GRM7: variants seen among roughly 807,000 people sequenced by gnomAD.
GRM7 encodes the protein metabotropic glutamate receptor 7.
Under a neutral mutation model 84.5 loss-of-function variants are expected in GRM7, and 35 were observed. The ratio of observed to expected loss-of-function variants is 0.41; its 90% CI spans 0.32 to 0.55. GRM7 has a LOEUF of 0.55. Among genes scored for constraint, GRM7 ranks in the 20% least tolerant of loss-of-function variants. The pLI is 0.19. For missense variants in GRM7, 1,003 were observed against 1,194.6 expected, an observed-to-expected ratio of 0.84 and a Z score of 2.36; for synonymous variants, 487 against 455.1, an observed-to-expected ratio of 1.07 and a Z score of -0.89.
At chr3:7,231,267 T>C (rs575781649) in intron 2 of GRM7, among the ~76,000 whole-genome samples, 13 of 152,166 alleles carry the variant, frequency 8.5e-5, no homozygotes, top group Non-Finnish European at 1.5e-4. Flanking sequence ...CCAAAGAACA[T>C]GTACCCTACA....
At chr3:7,106,640 T>G (rs1002788963) in intron 1 of GRM7, among the ~76,000 whole-genome samples, 1 of 151,976 alleles carries the variant, frequency 6.6e-6, no homozygotes, top group East Asian at 1.9e-4. Flanking sequence ...TTGGACTAAT[T>G]TGGCACTAGG....
At chr3:7,716,018 G>A (rs1476820071) in intron 9 of GRM7, among the ~76,000 whole-genome samples, 4 of 152,038 alleles carry the variant, frequency 2.6e-5, no homozygotes, top group African/African-American at 9.7e-5. Context: ...TTCCTTACCA[G>A]CCTCCTCTCC....
intron 4 of GRM7, among the ~76,000 whole-genome samples, chr3:7,325,078 T>G (rs962272791): frequency 6.6e-6 from 1 of 152,194 alleles, no homozygotes; most frequent in Non-Finnish European, 1.5e-5. Context: ...CTCATTGCCT[T>G]GCAGACCACC....
intron 1 of GRM7, among the ~76,000 whole-genome samples, chr3:6,926,850 A>T (rs1697316019): frequency 6.6e-6 from 1 of 152,214 alleles, no homozygotes; most frequent in Non-Finnish European, 1.5e-5. Flanking sequence ...TTGTGAATAG[A>T]GTTGCGGCAA....
In GRM7 at chr3:7,452,217, A is replaced by C. The variant is rs149717981; in HGVS notation, c.1175-390A>C. On this transcript the variant is annotated intron_variant, in intron 5 of 9. Transcript: ENST00000357716. ...ACGGTACAATAGGTGTGTAGAAAGT[A>C]ATGAATTCAGGTGTGGAATTTAGTT... is the stretch of plus-strand genomic sequence containing the variant. Among the ~76,000 whole-genome samples the C allele has an allele frequency of 5.4e-4, 82 of 151,898 alleles. 1 individual carries two copies. Among genetic ancestry groups the C allele is most frequent in the Middle Eastern group, 6.8e-3 (2 of 294 alleles).
intron 1 of GRM7, among the ~76,000 whole-genome samples, chr3:6,886,151 CTT>C (rs1295353797): frequency 3.3e-5 from 5 of 151,950 alleles, no homozygotes; most frequent in Admixed American, 6.6e-5. Context: ...GATTTTCTCT[CTT>C]GGCAAATTTC....
intron 2 of GRM7, among the ~76,000 whole-genome samples, chr3:7,274,480 A>G (rs1369047164): frequency 6.6e-6 from 1 of 152,018 alleles, no homozygotes; most frequent in Admixed American, 6.6e-5. Context: ...TTATCTGAGA[A>G]AGTCTTCATT....
At chr3:7,100,082 A>C (rs1249288156) in intron 1 of GRM7, among the ~76,000 whole-genome samples, 1 of 151,202 alleles carries the variant, frequency 6.6e-6, no homozygotes, top group Admixed American at 6.6e-5. Context: ...TCCCCACAGA[A>C]GATCGTAGGC....
chr3:7,726,046 AG>A (rs946360035), intron 9 of GRM7, among the ~76,000 whole-genome samples: 1 of 152,178 alleles, frequency 6.6e-6, no homozygotes, highest in Non-Finnish European at 1.5e-5. Flanking sequence ...CAAAATTCTT[AG>A]GGCTATTTTC....
intron 1 of GRM7, among the ~76,000 whole-genome samples, chr3:7,048,382 A>G (rs1228195480): frequency 2.0e-5 from 3 of 151,960 alleles, no homozygotes; most frequent in African/African-American, 7.2e-5. Context: ...TGTTATTAAA[A>G]TTAGTGTTTG....
At chr3:7,569,203 C>A (rs1217478018) in intron 7 of GRM7, among the ~76,000 whole-genome samples, 1 of 152,086 alleles carries the variant, frequency 6.6e-6, no homozygotes, top group Non-Finnish European at 1.5e-5. Context: ...ATGCACCAAT[C>A]TACACTCTGT....
At chr3:7,687,804 A>ACAG (rs1190525704) in intron 9 of GRM7, among the ~76,000 whole-genome samples, 1 of 152,142 alleles carries the variant, frequency 6.6e-6, no homozygotes, top group African/African-American at 2.4e-5. Flanking sequence ...GTATGGTAAA[A>ACAG]CAGCATAAGA....
At chr3:7,680,343 C>T in intron 9 of GRM7, 48 bp downstream of exon 9, 2 of 1,595,666 alleles carry the variant, frequency 1.3e-6, no homozygotes, top group Middle Eastern at 1.7e-4. Context: ...CATCAGGAAG[C>T]TCTAGAAGAT....
Position 7,659,750 on chromosome 3 carries a change from A to G in GRM7, c.2452-20299A>G, listed in dbSNP as rs1699352945. 2.0e-5 allele frequency among the ~76,000 whole-genome samples: 3 copies of G among 152,200 alleles called. No individual in the cohort carries two copies. The South Asian group carries it at 6.2e-4, about 32-fold the overall frequency. ...GCAACAAGGTCTCACTGAGATAGGA[A>G]GAGAGTGTGGATTTTCAACACGGTA... On this transcript the variant is annotated intron_variant, in intron 8 of 9. Transcript: ENST00000357716.
chr3:7,571,210 C>G (rs940213155), intron 7 of GRM7, among the ~76,000 whole-genome samples: 1 of 152,120 alleles, frequency 6.6e-6, no homozygotes, highest in African/African-American at 2.4e-5. Flanking sequence ...ACATTTGGCT[C>G]CTCATTACTT....
At chr3:6,930,713 G>A (rs1697470401) in intron 1 of GRM7, among the ~76,000 whole-genome samples, 2 of 152,210 alleles carry the variant, frequency 1.3e-5, no homozygotes, top group African/African-American at 4.8e-5. Flanking sequence ...AGTATCGTCA[G>A]CCAGACTGAT....
intron 4 of GRM7, among the ~76,000 whole-genome samples, chr3:7,390,004 T>C (rs367635875): frequency 7.2e-5 from 11 of 152,134 alleles, no homozygotes; most frequent in Non-Finnish European, 1.3e-4. Context: ...TTTTTACATT[T>C]TCATGTTTAT....
chr3:7,604,583 T>C (rs1696473169), intron 8 of GRM7, among the ~76,000 whole-genome samples: 1 of 152,178 alleles, frequency 6.6e-6, no homozygotes, highest in African/African-American at 2.4e-5. Flanking sequence ...GTCAGTTTTC[T>C]TGCAAAGGTT....
intron 7 of GRM7, among the ~76,000 whole-genome samples, chr3:7,462,866 C>T (rs964577996): frequency 6.6e-6 from 1 of 152,094 alleles, no homozygotes; most frequent in African/African-American, 2.4e-5. Context: ...CAGGTACCGT[C>T]CATGGCTTAT....
Sources: allele counts gnomAD v4.1 joint callset (sites outside exome capture counted in the v4.1 genomes callset), GRCh38; gene constraint gnomAD v4.1.1; transcripts MANE v1.5; gene names NCBI Gene and HGNC (gene_info 2026-07-23, HGNC 2026-07-21).